Variants in CADPS2 observed in about 807,000 individuals in gnomAD.
CADPS2 encodes the protein calcium-dependent secretion activator 2.
In CADPS2, 93 loss-of-function variants were observed where a neutral mutation model predicts 172.5. The observed-to-expected ratio is 0.54, with a 90% CI of 0.46 to 0.64. CADPS2 has a LOEUF of 0.64. Among genes scored for constraint, CADPS2 ranks in the 30% least tolerant of loss-of-function variants. The pLI, the probability that CADPS2 is intolerant of heterozygous loss-of-function variation, is 0.00. For synonymous variants in CADPS2, 546 were observed against 555.2 expected, an observed-to-expected ratio of 0.98 and a Z score of 0.23; for missense variants, 1,420 against 1,565.9, an observed-to-expected ratio of 0.91 and a Z score of 1.57.
intron 19 of CADPS2, among the ~76,000 whole-genome samples, chr7:122,408,177 GTTA>G (rs2046882016): frequency 7.0e-6 from 1 of 142,514 alleles, no homozygotes; most frequent in Non-Finnish European, 1.5e-5. Flanking sequence ...AGGATATACT[GTTA>G]TTTTTTTTTT....
chr7:122,413,510 G>A (rs1434226021), intron 19 of CADPS2, among the ~76,000 whole-genome samples: 1 of 152,142 alleles, frequency 6.6e-6, no homozygotes, highest in Non-Finnish European at 1.5e-5. Context: ...AAAGTAAACT[G>A]CCACTGTGGA....
intron 6 of CADPS2, among the ~76,000 whole-genome samples, chr7:122,595,856 G>C (rs1055138045): frequency 2.8e-4 from 43 of 152,056 alleles, no homozygotes; most frequent in Non-Finnish European, 1.5e-4. Flanking sequence ...GAGTTGAAAA[G>C]AGCCAAAAAC....
intron 1 of CADPS2, among the ~76,000 whole-genome samples, chr7:122,856,792 A>T (rs1815367803): frequency 6.6e-6 from 1 of 152,258 alleles, no homozygotes; most frequent in Non-Finnish European, 1.5e-5. Context: ...TGGTTAAAAA[A>T]TGAAACAAGC....
chr7:122,428,259 C>T (rs2049409790), intron 17 of CADPS2, among the ~76,000 whole-genome samples: 1 of 152,042 alleles, frequency 6.6e-6, no homozygotes, highest in African/African-American at 2.4e-5. Context: ...ACGTAAAAAT[C>T]ACCGTTGCCT....
At chr7:122,534,122 A>T (rs2062017180) in intron 8 of CADPS2, among the ~76,000 whole-genome samples, 1 of 152,088 alleles carries the variant, frequency 6.6e-6, no homozygotes, top group South Asian at 2.1e-4. Flanking sequence ...ATGATTTAGG[A>T]GTCTGAACAT....
intron 7 of CADPS2, among the ~76,000 whole-genome samples, chr7:122,559,729 C>A (rs946307467): frequency 2.7e-5 from 4 of 146,690 alleles, no homozygotes; most frequent in Non-Finnish European, 5.9e-5. Flanking sequence ...CGAGACTGTG[C>A]CATTGCACTC....
At chr7:122,653,474 T>C (rs1305151888) in intron 3 of CADPS2, among the ~76,000 whole-genome samples, 1 of 152,222 alleles carries the variant, frequency 6.6e-6, no homozygotes, top group Non-Finnish European at 1.5e-5. Flanking sequence ...AACAGGCTAG[T>C]TTCTGTGATT....
At position 122,471,426 on chromosome 7, in the gene CADPS2, G is replaced by T; in HGVS notation, c.2135C>A (p.Thr712Asn). 2.5e-6 allele frequency: 4 copies of T among 1,613,572 alleles called. No individual in the cohort carries two copies. Among genetic ancestry groups the T allele is most frequent in the Non-Finnish European group, 3.4e-6 (4 of 1,179,694 alleles). The change falls in exon 14 of 30, where the codon ACC becomes AAC. Residue 712 changes from threonine to asparagine, a missense_variant. Transcript: ENST00000449022. ...GAATGCAAAGCTGTAATGGAGCAGG[G>T]TAGGGTCAATGACAGCACCATTTTC... ...HSENGAVIDPTLLHYSFAFCA... is the reference protein window; with the variant it reads ...HSENGAVIDPNLLHYSFAFCA...
At chr7:122,718,457 T>C (rs886996157) in intron 2 of CADPS2, among the ~76,000 whole-genome samples, 1 of 152,014 alleles carries the variant, frequency 6.6e-6, no homozygotes, top group Non-Finnish European at 1.5e-5. Context: ...TATAGGATAT[T>C]GCCAGTGAGC....
At chr7:122,843,174 C>A (rs1206449135) in intron 1 of CADPS2, among the ~76,000 whole-genome samples, 1 of 152,040 alleles carries the variant, frequency 6.6e-6, no homozygotes, top group African/African-American at 2.4e-5. Context: ...TACCAGATAA[C>A]TCTCATTTTT....
intron 8 of CADPS2, among the ~76,000 whole-genome samples, chr7:122,532,354 C>G (rs542675809): frequency 1.3e-5 from 2 of 152,188 alleles, no homozygotes; most frequent in East Asian, 3.9e-4. Context: ...AACACATTTT[C>G]TACAATATTC....
Position 122,629,259 on chromosome 7 carries a change from T to C in CADPS2, c.856A>G (p.Lys286Glu). The change falls in exon 4 of 30, where the codon AAA becomes GAA. Residue 286 changes from lysine to glutamate, a missense_variant. Lys to Glu is a moderately conservative substitution (Grantham distance 56). Coordinates refer to ENST00000449022, the MANE Select transcript of CADPS2 (RefSeq NM_017954.11). Reference sequence around the variant, plus strand: ...AGTTAATAATTTACCTTTGCCATTTTATCTGCCAATTGCAGCCGGCCATCA... The same window carrying C: ...AGTTAATAATTTACCTTTGCCATTTCATCTGCCAATTGCAGCCGGCCATCA... ...ELDGRLQLADKMAKERKFPKF... is the reference protein window; with the variant it reads ...ELDGRLQLADEMAKERKFPKF... 1.9e-6 allele frequency: 3 copies of C among 1,609,528 alleles called. No homozygotes were observed. Among genetic ancestry groups the C allele is most frequent in the East Asian group, 2.2e-5 (1 of 44,738 alleles).
intron 1 of CADPS2, among the ~76,000 whole-genome samples, chr7:122,853,228 G>A (rs1047096951): frequency 2.0e-5 from 3 of 152,136 alleles, no homozygotes; most frequent in Non-Finnish European, 4.4e-5. Context: ...AGATAAACGA[G>A]GAAGAAAAAG....
chr7:122,324,362 A>G (rs1470138699), intron 29 of CADPS2, among the ~76,000 whole-genome samples: 2 of 151,460 alleles, frequency 1.3e-5, no homozygotes, highest in Non-Finnish European at 3.0e-5. Flanking sequence ...TAAAGAAAAT[A>G]TTTTAATGTG....
At chr7:122,515,830 T>C (rs76738669) in intron 8 of CADPS2, among the ~76,000 whole-genome samples, 1 of 141,246 alleles carries the variant, frequency 7.1e-6, no homozygotes, top group Admixed American at 7.5e-5. Flanking sequence ...AAAAAATTAA[T>C]TAAAAAATAA....
At chr7:122,820,231 T>G (rs1472129349) in intron 1 of CADPS2, among the ~76,000 whole-genome samples, 1 of 152,152 alleles carries the variant, frequency 6.6e-6, no homozygotes, top group African/African-American at 2.4e-5. Context: ...CACTTTCACT[T>G]GGACTGACCC....
intron 3 of CADPS2, among the ~76,000 whole-genome samples, chr7:122,660,614 A>AG (rs2080419073): frequency 6.6e-6 from 1 of 151,572 alleles, no homozygotes; most frequent in Non-Finnish European, 1.5e-5. Context: ...TTTAAAAAAA[A>AG]AAAAAGAAAA....
intron 25 of CADPS2, among the ~76,000 whole-genome samples, chr7:122,362,308 G>A (rs932907647): frequency 5.3e-5 from 8 of 152,056 alleles, no homozygotes; most frequent in African/African-American, 1.9e-4. Flanking sequence ...AGAGTACAAT[G>A]GAAAAGAGCA....
At chr7:122,703,810 T>C (rs898102467) in intron 2 of CADPS2, among the ~76,000 whole-genome samples, 2 of 152,010 alleles carry the variant, frequency 1.3e-5, no homozygotes, top group Admixed American at 6.6e-5. Flanking sequence ...AGCATAGATG[T>C]AGAGACACAG....
Sources: gnomAD v4.1 joint callset for allele counts (sites outside exome capture counted in the v4.1 genomes callset) on GRCh38, gnomAD v4.1.1 for gene constraint, MANE v1.5 for transcripts, NCBI Gene and HGNC (gene_info 2026-07-23, HGNC 2026-07-21) for gene names.